The following HDAC9 variants were observed in gnomAD, a reference collection of about 807,000 sequenced individuals.
HDAC9 encodes histone deacetylase 9.
A neutral mutation model predicts 139.4 loss-of-function variants in HDAC9; 41 were observed. That is an observed-to-expected ratio of 0.29 (90% CI 0.23 to 0.38). The LOEUF (loss-of-function observed/expected upper bound fraction) is 0.38. Among genes scored for constraint, HDAC9 ranks in the 10% least tolerant of loss-of-function variants. The probability of loss-of-function intolerance (pLI) is 1.00; values close to 1 mark genes in which losing one functional copy is unlikely to be tolerated. For synonymous variants in HDAC9, 517 were observed against 476.2 expected, an observed-to-expected ratio of 1.09 and a Z score of -1.12; for missense variants, 1,147 against 1,297.0, an observed-to-expected ratio of 0.88 and a Z score of 1.78.
intron 1 of HDAC9, among the ~76,000 whole-genome samples, chr7:18,454,691 AAAG>A (rs1793185419): frequency 1.3e-5 from 2 of 152,076 alleles, no homozygotes; most frequent in East Asian, 3.9e-4. Context: ...TTAATTCCCT[AAAG>A]AAAATTATCT....
chr7:18,686,017 G>GA (rs1782242736), intron 12 of HDAC9, among the ~76,000 whole-genome samples: 1 of 151,900 alleles, frequency 6.6e-6, no homozygotes, highest in Middle Eastern at 3.4e-3. Context: ...ATTTACCAAA[G>GA]AAAAAATGAA....
chr7:18,394,096 T>A (rs1786798730), intron 1 of HDAC9, among the ~76,000 whole-genome samples: 1 of 152,176 alleles, frequency 6.6e-6, no homozygotes, highest in Non-Finnish European at 1.5e-5. Flanking sequence ...CTATTAAAAG[T>A]GAGTGTGTCA....
In HDAC9 at chr7:18,951,426, G is replaced by A. The variant is rs560730607; in HGVS notation, c.2938-2720G>A. On this transcript the variant is annotated intron_variant, in intron 23 of 25. Transcript: ENST00000686413. Reference sequence around the variant, plus strand: ...ATTAAGCTGGATGAGAGCTTTAAGTGTCAAGAGGTTGTGTTAAAATTATCT... The same window carrying A: ...ATTAAGCTGGATGAGAGCTTTAAGTATCAAGAGGTTGTGTTAAAATTATCT... Among the ~76,000 whole-genome samples the A allele has an allele frequency of 1.2e-4, 19 of 152,010 alleles. No homozygotes were observed. In the South Asian group the frequency reaches 3.1e-3, roughly 25 times the overall value.
chr7:18,782,460 G>A (rs1048746618), intron 16 of HDAC9, among the ~76,000 whole-genome samples: 11 of 151,978 alleles, frequency 7.2e-5, no homozygotes, highest in Non-Finnish European at 7.4e-5. Flanking sequence ...TATCATGTGC[G>A]GCTTTTCAGA....
At chr7:18,785,603 G>A (rs913374456) in intron 16 of HDAC9, among the ~76,000 whole-genome samples, 1 of 151,990 alleles carries the variant, frequency 6.6e-6, no homozygotes, top group African/African-American at 2.4e-5. Flanking sequence ...AACAGGGTAG[G>A]GTTTCAATAC....
chr7:18,563,989 C>G (rs1173336786), intron 2 of HDAC9, among the ~76,000 whole-genome samples: 1 of 151,998 alleles, frequency 6.6e-6, no homozygotes, highest in Non-Finnish European at 1.5e-5. Flanking sequence ...GTGTGTGCCA[C>G]CACGCCCAGC....
At chr7:18,879,187 G>A (rs1005376286) in intron 22 of HDAC9, among the ~76,000 whole-genome samples, 26 of 152,102 alleles carry the variant, frequency 1.7e-4, no homozygotes, top group Admixed American at 1.4e-3. Context: ...AAATCATCCC[G>A]TGGTCATAGA....
intron 1 of HDAC9, among the ~76,000 whole-genome samples, chr7:18,389,672 A>C (rs1237895544): frequency 2.0e-5 from 3 of 152,194 alleles, no homozygotes; most frequent in African/African-American, 7.2e-5. Flanking sequence ...GAAGGAATTT[A>C]TGTATGTCAA....
intron 12 of HDAC9, among the ~76,000 whole-genome samples, chr7:18,696,395 A>G (rs1285221795): frequency 1.3e-5 from 2 of 148,472 alleles, no homozygotes; most frequent in African/African-American, 2.4e-5. Flanking sequence ...ATATTATACT[A>G]TATAATGTAT....
chr7:18,662,682 C>G (rs960182343), intron 11 of HDAC9, among the ~76,000 whole-genome samples: 9 of 151,882 alleles, frequency 5.9e-5, no homozygotes, highest in Non-Finnish European at 1.3e-4. Flanking sequence ...CTTCCATTTT[C>G]TCAATGAAAT....
chr7:18,092,577 A>AATGT (rs1782239946), intron 1 of HDAC9, among the ~76,000 whole-genome samples: 2 of 152,058 alleles, frequency 1.3e-5, no homozygotes, highest in African/African-American at 4.8e-5. Context: ...CATAAAAGAG[A>AATGT]GGATTCTCCA....
At chr7:18,496,181 T>G in intron 1 of HDAC9, 81 bp from the exon 2 acceptor site, 1 of 1,509,022 alleles carries the variant, frequency 6.6e-7, no homozygotes, top group Non-Finnish European at 9.2e-7. Context: ...TGAGCAGTGA[T>G]GAATGTTTCA....
At chr7:18,741,710 G>A (rs1787475618) in intron 13 of HDAC9, among the ~76,000 whole-genome samples, 1 of 152,158 alleles carries the variant, frequency 6.6e-6, no homozygotes, top group South Asian at 2.1e-4. Flanking sequence ...TGATTCCCTT[G>A]ATGGGTCTGA....
At chr7:18,933,597 T>C (rs982263929) in intron 22 of HDAC9, among the ~76,000 whole-genome samples, 2 of 151,624 alleles carry the variant, frequency 1.3e-5, no homozygotes. Context: ...AAAGTTACAA[T>C]GAATACAAGC....
chr7:18,122,957 T>G (rs751808784), intron 1 of HDAC9, among the ~76,000 whole-genome samples: 3 of 152,182 alleles, frequency 2.0e-5, no homozygotes, highest in African/African-American at 4.8e-5. Flanking sequence ...GTTTTTTTCT[T>G]TATTTGAGGG....
intron 2 of HDAC9, among the ~76,000 whole-genome samples, chr7:18,503,627 A>G (rs3807925): frequency 0.28 from 42,442 of 152,112 alleles, 7,102 homozygotes; most frequent in Middle Eastern, 0.4. Flanking sequence ...ATTAAATCCA[A>G]TGAAAACCAC....
intron 15 of HDAC9, among the ~76,000 whole-genome samples, chr7:18,763,770 A>C (rs1789592646): frequency 6.6e-6 from 1 of 152,130 alleles, no homozygotes. Flanking sequence ...GACTGTGTCC[A>C]TGTCATTATT....
intron 1 of HDAC9, among the ~76,000 whole-genome samples, chr7:18,153,898 C>T (rs1372470019): frequency 1.3e-5 from 2 of 152,166 alleles, no homozygotes; most frequent in East Asian, 1.9e-4. Flanking sequence ...CTGAGGGGCA[C>T]ATCTGCTTGT....
rs754842739 is a variant in HDAC9 at position 18,996,972 on chromosome 7, A to G, written c.*910A>G. The G allele has an allele frequency of 3.3e-5, 5 of 152,134 alleles. No homozygotes were observed. Among genetic ancestry groups the G allele is most frequent in the Non-Finnish European group, 7.3e-5 (5 of 68,036 alleles). 9.4% of individuals were successfully genotyped at this position (152,134 alleles called of 1,614,324 possible). On this transcript the variant is annotated 3_prime_UTR_variant, in exon 26 of 26. Coordinates refer to ENST00000686413, the MANE Select transcript of HDAC9 (RefSeq NM_178425.4). ...TTAATTTGTTGCATATCTATCAAGG[A>G]CTTATTCACTCACCTTTCCTTTTCT... is the stretch of plus-strand genomic sequence containing the variant.
Sources: gnomAD v4.1 joint callset for allele counts (sites outside exome capture counted in the v4.1 genomes callset) on GRCh38, gnomAD v4.1.1 for gene constraint, MANE v1.5 for transcripts, NCBI Gene and HGNC (gene_info 2026-07-23, HGNC 2026-07-21) for gene names.